Variants in CDH23 observed in about 807,000 individuals in gnomAD.
The protein encoded by CDH23 is cadherin related 23.
Under a neutral mutation model 317.1 loss-of-function variants are expected in CDH23, and 189 were observed. The ratio of observed to expected loss-of-function variants is 0.60; its 90% confidence interval spans 0.53 to 0.67. The LOEUF (loss-of-function observed/expected upper bound fraction) is 0.67, where lower values mean the gene tolerates loss of function less well. Ranked by LOEUF, CDH23 falls within the 30% of genes least tolerant of loss-of-function variation. CDH23 has a pLI of 0.00. For missense variants in CDH23, 4,401 were observed against 4,592.4 expected, an observed-to-expected ratio of 0.96 and a Z score of 1.20; for synonymous variants, 1,839 against 1,876.8, an observed-to-expected ratio of 0.98 and a Z score of 0.52.
At chr10:71,500,018 CAAAAA>C (rs34690494) in intron 3 of CDH23, among the ~76,000 whole-genome samples, 1 of 94,864 alleles carries the variant, frequency 1.1e-5, no homozygotes, top group Non-Finnish European at 2.1e-5. Flanking sequence ...GACTCCATCT[CAAAAA>C]AAAAAAAAAA....
chr10:71,445,925 T>G (rs1244376081), intron 2 of CDH23, among the ~76,000 whole-genome samples: 1 of 151,760 alleles, frequency 6.6e-6, no homozygotes, highest in East Asian at 1.9e-4. Context: ...TTTTACTTGA[T>G]CCAATATATC....
Position 71,441,255 on chromosome 10 carries a change from C to T in CDH23, c.67+1357C>T, listed in dbSNP as rs78811515. Among the ~76,000 whole-genome samples the T allele has an allele frequency of 4.3e-3, 659 of 152,258 alleles. 5 individuals are homozygous for T. The highest frequency in any genetic ancestry group is 0.014 in the African/African-American group (573 of 41,554). Reference sequence around the variant, plus strand: ...ATCACCCCCCTCACCCCGCTCCCCCCCTGCCTCATGTGGGAGGCTTCAATC... The same window carrying T: ...ATCACCCCCCTCACCCCGCTCCCCCTCTGCCTCATGTGGGAGGCTTCAATC... On this transcript the variant is annotated intron_variant, in intron 2 of 69. Transcript: ENST00000224721.
chr10:71,701,609 C>A (rs1421475274), intron 22 of CDH23, among the ~76,000 whole-genome samples: 1 of 152,094 alleles, frequency 6.6e-6, no homozygotes, highest in African/African-American at 2.4e-5. Context: ...CTCCCCCAGC[C>A]CTGCGACTGC....
At chr10:71,553,394 A>T (rs910667474) in intron 6 of CDH23, among the ~76,000 whole-genome samples, 3 of 152,148 alleles carry the variant, frequency 2.0e-5, no homozygotes, top group Non-Finnish European at 2.9e-5. Context: ...GCCCCAGGGC[A>T]CCAAGTGACA....
intron 38 of CDH23, among the ~76,000 whole-genome samples, chr10:71,759,980 CATATATATACACACACACATACAT>C (rs1840284227): frequency 1.2e-5 from 1 of 85,338 alleles, no homozygotes; most frequent in Admixed American, 1.2e-4. Context: ...TACACACACA[CATATATATACACACACACATACAT>C]ATATATACAC....
rs966023289 is a variant in CDH23 at position 71,737,762 on chromosome 10, G to A, written c.4210-736G>A. On this transcript the variant is annotated intron_variant, in intron 34 of 69. Coordinates refer to ENST00000224721, the MANE Select transcript of CDH23 (RefSeq NM_022124.6). ...CAGCCGCAGTGGCCTGTGGCCGTCCGTGGACTGGAGGCCTCACCCGCGGCA... is the reference window on the plus strand; with the variant it reads ...CAGCCGCAGTGGCCTGTGGCCGTCCATGGACTGGAGGCCTCACCCGCGGCA... The A allele has an allele frequency of 3.0e-5, 14 of 470,238 alleles. 1 individual carries two copies. Among genetic ancestry groups the A allele is most frequent in the African/African-American group, 1.8e-4 (9 of 50,078 alleles). 29.1% of individuals were successfully genotyped at this position (470,238 alleles called of 1,614,324 possible).
At chr10:71,792,598 G>C (rs891972976) in intron 47 of CDH23, among the ~76,000 whole-genome samples, 1 of 151,164 alleles carries the variant, frequency 6.6e-6, no homozygotes, top group South Asian at 2.1e-4. Flanking sequence ...GCTGAGGCAG[G>C]TGGATCACTT....
intron 22 of CDH23, 92 bp downstream of exon 22, chr10:71,695,617 G>T: frequency 1.2e-6 from 1 of 855,502 alleles, no homozygotes; most frequent in Non-Finnish European, 1.9e-6. Flanking sequence ...TTCCCCTATG[G>T]GGCTGGTGGA....
At chr10:71,404,095 AAAAT>A (rs529984870) in intron 1 of CDH23, among the ~76,000 whole-genome samples, 3 of 152,206 alleles carry the variant, frequency 2.0e-5, no homozygotes, top group African/African-American at 4.8e-5. Context: ...CTGTCTCAAA[AAAAT>A]AAATAAATAA....
intron 6 of CDH23, among the ~76,000 whole-genome samples, chr10:71,528,240 G>A (rs928709808): frequency 6.6e-6 from 1 of 152,058 alleles, no homozygotes; most frequent in Non-Finnish European, 1.5e-5. Context: ...CCTGGGGTAG[G>A]TGGGGTATGT....
At chr10:71,707,762 T>A (rs762508907) in intron 26 of CDH23, among the ~76,000 whole-genome samples, 10 of 152,162 alleles carry the variant, frequency 6.6e-5, no homozygotes, top group Non-Finnish European at 1.0e-4. Context: ...TTGGCCCTTT[T>A]ACTGGCTCAG....
At chr10:71,752,910 A>G in intron 38 of CDH23, 1 of 1,578,574 alleles carries the variant, frequency 6.3e-7, no homozygotes, top group Non-Finnish European at 8.7e-7. Flanking sequence ...CCTACTGCAC[A>G]GAAGTATCTC....
intron 6 of CDH23, among the ~76,000 whole-genome samples, chr10:71,537,627 G>A (rs1056027528): frequency 1.3e-5 from 2 of 152,112 alleles, no homozygotes; most frequent in Non-Finnish European, 2.9e-5. Context: ...TGTGTGGACC[G>A]CAGGCTTTTG....
In CDH23 at chr10:71,814,978, G is replaced by T. The variant is rs1414265896; in HGVS notation, c.9765G>T (p.Glu3255Asp). Residue 3255 changes from glutamate (E) to aspartate (D), a missense_variant, in exon 70 of 70, where the codon GAG becomes GAT. Transcript: ENST00000224721. ...SELIQTELDEEPGDHSPGQGS... is the reference protein window; with the variant it reads ...SELIQTELDEDPGDHSPGQGS... ...TGATACAGACTGAGCTGGACGAGGA[G>T]CCAGGAGACCACAGCCCAGGGCAGG... 3.1e-6 allele frequency: 5 copies of T among 1,612,254 alleles called. No individual in the cohort carries two copies. The highest frequency in any genetic ancestry group is 4.2e-6 in the Non-Finnish European group (5 of 1,179,576).
intron 3 of CDH23, among the ~76,000 whole-genome samples, chr10:71,485,096 G>A (rs761040657): frequency 2.1e-4 from 32 of 149,698 alleles, no homozygotes; most frequent in Non-Finnish European, 3.5e-4. Context: ...GTGCGATCTC[G>A]GCTTACGGCA....
At position 71,510,989 on chromosome 10, in the gene CDH23, C is replaced by A. The variant is rs373668614; in HGVS notation, c.324C>A (p.Ser108Arg). ...KSEFTVEFSV[S>R]DHQGVITRKV... ...AGTTCACCGTGGAGTTCTCTGTCAG[C>A]GACCACCAGGGGGTGAGTGTTCCCT... Residue 108 changes from serine to arginine, a missense_variant, in exon 5 of 70, where the codon AGC (serine) becomes AGA (arginine). Around this residue, in one of 3 missense-constraint regions of CDH23, gnomAD observed 3,068 missense variants for 3,203.3 expected, o/e 0.96. Coordinates refer to ENST00000224721, the MANE Select transcript of CDH23 (RefSeq NM_022124.6). The A allele has an allele frequency of 6.2e-7, 1 of 1,613,902 alleles. No homozygotes were observed.
chr10:71,482,976 G>A (rs1250692283), intron 3 of CDH23, among the ~76,000 whole-genome samples: 2 of 152,234 alleles, frequency 1.3e-5, no homozygotes, highest in African/African-American at 4.8e-5. Flanking sequence ...TTGATCATGT[G>A]GGTCTTGGTA....
chr10:71,780,212 G>A (rs1291917752), intron 41 of CDH23, among the ~76,000 whole-genome samples: 1 of 152,116 alleles, frequency 6.6e-6, no homozygotes, highest in African/African-American at 2.4e-5. Flanking sequence ...CCAGTGTGCC[G>A]GCCATGTTCC....
chr10:71,506,978 C>T (rs372380797), intron 3 of CDH23, among the ~76,000 whole-genome samples: 1 of 152,198 alleles, frequency 6.6e-6, no homozygotes, highest in Non-Finnish European at 1.5e-5. Context: ...CCAGCGCCCC[C>T]CTTCTTGGGA....
Sources: allele counts gnomAD v4.1 joint callset (sites outside exome capture counted in the v4.1 genomes callset), GRCh38; gene constraint gnomAD v4.1.1; regional missense constraint gnomAD v4.1.1; transcripts MANE v1.5; gene names NCBI Gene and HGNC (gene_info 2026-07-23, HGNC 2026-07-21).